Variants in DOCK5 observed in about 807,000 individuals in gnomAD.
The protein encoded by DOCK5 is dedicator of cytokinesis 5.
Under a neutral mutation model 251.8 loss-of-function variants are expected in DOCK5, and 142 were observed. The observed-to-expected ratio is 0.56, with a 90% confidence interval of 0.49 to 0.65. The LOEUF (loss-of-function observed/expected upper bound fraction) is 0.65, where lower values mean the gene tolerates loss of function less well. DOCK5 is among the 30% of genes least tolerant of loss of function. DOCK5 has a pLI of 0.00. For missense variants in DOCK5, 2,111 were observed against 2,312.3 expected (o/e 0.91, Z 1.79); for synonymous variants, 842 against 835.5 (o/e 1.01, Z -0.13).
chr8:25,340,878 T>C lies in DOCK5; in HGVS notation c.2329T>C (p.Phe777Leu), dbSNP rs768212317. ...IIQSRVLYLR[F>L]YGQSKDGDEF... ...TGCTTTTGTCTTTTTCCTATTAAGA[T>C]TTTATGGGCAGAGCAAAGATGGAGA... is the stretch of plus-strand genomic sequence containing the variant. The change falls in exon 23 of 52, where the codon TTT becomes CTT. Residue 777 changes from phenylalanine to leucine, a missense_variant and splice_region_variant. Coordinates refer to ENST00000276440, the MANE Select transcript of DOCK5 (RefSeq NM_024940.8). The C allele has an allele frequency of 6.2e-7, 1 of 1,612,768 alleles. No individual in the cohort carries two copies. Among genetic ancestry groups the C allele is most frequent in the South Asian group, 1.1e-5 (1 of 90,698 alleles).
At chr8:25,195,002 C>T (rs56857804) in intron 1 of DOCK5, among the ~76,000 whole-genome samples, 21,734 of 151,918 alleles carry the variant, frequency 0.14, 2,532 homozygotes, top group African/African-American at 0.33. Context: ...CTCACTGCAA[C>T]CTCCACCTCC....
At chr8:25,276,956 G>C (rs185816853) in intron 4 of DOCK5, 2 of 152,336 alleles carry the variant, frequency 1.3e-5, no homozygotes, top group Admixed American at 6.5e-5. Flanking sequence ...TTTTGTTGCA[G>C]TGACTTGTGG....
At chr8:25,248,507 G>A (rs1586263362) in intron 2 of DOCK5, among the ~76,000 whole-genome samples, 1 of 152,086 alleles carries the variant, frequency 6.6e-6, no homozygotes, top group East Asian at 1.9e-4. Flanking sequence ...CTGACTTTGG[G>A]GCGCTCCCTC....
chr8:25,379,384 T>G (rs1038780121), intron 38 of DOCK5, among the ~76,000 whole-genome samples: 3 of 152,138 alleles, frequency 2.0e-5, no homozygotes, highest in Non-Finnish European at 4.4e-5. Context: ...AAGAATTTAG[T>G]GATATCTCTC....
At chr8:25,222,760 G>A (rs1222617143) in intron 1 of DOCK5, among the ~76,000 whole-genome samples, 2 of 152,186 alleles carry the variant, frequency 1.3e-5, no homozygotes, top group African/African-American at 4.8e-5. Context: ...GCCCATGGCA[G>A]CTCAATGAGA....
chr8:25,187,294 C>A (rs1801456266), intron 1 of DOCK5, among the ~76,000 whole-genome samples: 1 of 143,020 alleles, frequency 7.0e-6, no homozygotes, highest in African/African-American at 2.7e-5. Context: ...TATGTATATA[C>A]ATATATATGT....
At position 25,380,359 on chromosome 8, in the gene DOCK5, A is replaced by G; in HGVS notation, c.3991A>G (p.Lys1331Glu). 1 of 1,612,012 alleles carries G rather than the reference A, an allele frequency of 6.2e-7. No individual in the cohort carries two copies. The highest frequency in any genetic ancestry group is 8.5e-7 in the Non-Finnish European group (1 of 1,179,024). ...SKELAETYES[K>E]VFDYEGLGNL... ...AGAGTTGGCTGAGACTTACGAAAGC[A>G]AAGTATTTGACTACGAGGGCCTTGG... is the stretch of plus-strand genomic sequence containing the variant. The change falls in exon 39 of 52, where the codon AAA becomes GAA. Residue 1331 changes from lysine to glutamate, a missense_variant. Transcript: ENST00000276440.
intron 5 of DOCK5, among the ~76,000 whole-genome samples, chr8:25,288,799 A>G (rs1021048775): frequency 2.0e-5 from 3 of 152,260 alleles, no homozygotes; most frequent in Non-Finnish European, 2.9e-5. Context: ...AGATTGAAGG[A>G]AAAAAGCAGG....
At chr8:25,228,490 G>A (rs1017919126) in intron 1 of DOCK5, among the ~76,000 whole-genome samples, 3 of 152,198 alleles carry the variant, frequency 2.0e-5, no homozygotes, top group African/African-American at 4.8e-5. Context: ...CATAGGCAGT[G>A]TGCCCACAAT....
At chr8:25,387,444 T>A (rs1801184830) in intron 40 of DOCK5, among the ~76,000 whole-genome samples, 1 of 152,206 alleles carries the variant, frequency 6.6e-6, no homozygotes, top group African/African-American at 2.4e-5. Context: ...TGCCCTGCCC[T>A]TCTCCCGACA....
chr8:25,369,399 C>G (rs1800833838), intron 33 of DOCK5, among the ~76,000 whole-genome samples, 157 bp from the exon 34 acceptor site: 1 of 152,114 alleles, frequency 6.6e-6, no homozygotes, highest in Non-Finnish European at 1.5e-5. Flanking sequence ...TTGATAGGGC[C>G]TTGGTGCACA....
At chr8:25,270,196 T>A (rs1453080505) in intron 3 of DOCK5, among the ~76,000 whole-genome samples, 1 of 152,252 alleles carries the variant, frequency 6.6e-6, no homozygotes, top group Non-Finnish European at 1.5e-5. Context: ...TACCCACAGT[T>A]ATTCTAGTGT....
chr8:25,319,821 T>C, intron 15 of DOCK5, 145 bp downstream of exon 15: 1 of 577,614 alleles, frequency 1.7e-6, no homozygotes, highest in Non-Finnish European at 3.1e-6. Flanking sequence ...GAATCAGTAA[T>C]TATAATTCTG....
intron 1 of DOCK5, among the ~76,000 whole-genome samples, chr8:25,190,644 A>G (rs1422672881): frequency 6.6e-6 from 1 of 152,158 alleles, no homozygotes; most frequent in African/African-American, 2.4e-5. Context: ...TGAGGATCAC[A>G]TAGCTAATTA....
chr8:25,229,560 T>C (rs541560097), intron 1 of DOCK5, among the ~76,000 whole-genome samples: 8 of 152,332 alleles, frequency 5.3e-5, no homozygotes, highest in Admixed American at 3.3e-4. Flanking sequence ...GATTTACCTT[T>C]CTTCAGACTG....
At chr8:25,316,886 T>G in intron 13 of DOCK5, 121 bp from the exon 14 acceptor site, 1 of 1,219,012 alleles carries the variant, frequency 8.2e-7, no homozygotes, top group South Asian at 1.8e-5. Flanking sequence ...TTTTGTCGGA[T>G]GAGTAGTTCA....
chr8:25,368,044 G>A lies in DOCK5; in HGVS notation c.3225-148G>A, dbSNP rs1800809527. 18 of 575,048 alleles carry A rather than the reference G, an allele frequency of 3.1e-5. No individual in the cohort carries two copies. In the South Asian group the frequency reaches 4.6e-4, roughly 15 times the overall value. 35.6% of individuals were successfully genotyped at this position (575,048 alleles called of 1,614,324 possible). A position where few individuals can be genotyped will look rare whatever the true frequency, so the allele number is the denominator to read the frequency against. On this transcript the variant is annotated intron_variant, in intron 31 of 51. Coordinates refer to ENST00000276440, the MANE Select transcript of DOCK5 (RefSeq NM_024940.8). The stretch of plus-strand genomic sequence containing the variant: ...TCTGTGCGCCTCATTCCTTTTGGGG[G>A]CTCGTTTAGGTATGAACCTCATCTC...
intron 26 of DOCK5, among the ~76,000 whole-genome samples, chr8:25,348,134 C>G (rs1800403040): frequency 1.3e-5 from 2 of 152,136 alleles, no homozygotes; most frequent in South Asian, 4.1e-4. Context: ...AATATCTCTT[C>G]TCTTATCCTC....
chr8:25,323,766 G>T, intron 16 of DOCK5, 82 bp from the exon 17 acceptor site: 1 of 1,483,100 alleles, frequency 6.7e-7, no homozygotes, highest in South Asian at 1.2e-5. Flanking sequence ...CTGCACCCCC[G>T]AGCAAAATGT....
Sources: gnomAD v4.1 joint callset for allele counts (sites outside exome capture counted in the v4.1 genomes callset) on GRCh38, gnomAD v4.1.1 for gene constraint, MANE v1.5 for transcripts, NCBI Gene and HGNC (gene_info 2026-07-23, HGNC 2026-07-21) for gene names.